SPOCK2: variants seen among roughly 807,000 people sequenced by gnomAD.
The protein encoded by SPOCK2 is SPARC (osteonectin), cwcv and kazal like domains proteoglycan 2.
SPOCK2 carries 39 observed loss-of-function variants against 60.1 expected under a neutral mutation model. That is an observed-to-expected ratio of 0.65 (90% confidence interval 0.50 to 0.85). The LOEUF (loss-of-function observed/expected upper bound fraction) is 0.85. Among genes scored for constraint, SPOCK2 ranks in the 40% least tolerant of loss-of-function variants. The pLI is 0.00. For missense variants in SPOCK2, 523 were observed against 567.4 expected, an observed-to-expected ratio of 0.92 and a Z score of 0.80; for synonymous variants, 217 against 231.5, an observed-to-expected ratio of 0.94 and a Z score of 0.57.
rs778789599 is a variant in SPOCK2 at position 72,070,441 on chromosome 10, G to A, written c.360-15C>T. ...GCTGCTTGATCCTACAGGAGAGGGTGGGGGGCACACCAGGGTGGAAGTGAC... is the reference window on the plus strand; with the variant it reads ...GCTGCTTGATCCTACAGGAGAGGGTAGGGGGCACACCAGGGTGGAAGTGAC... On this transcript the variant is annotated splice_polypyrimidine_tract_variant and intron_variant, in intron 4 of 10. Coordinates refer to ENST00000373109, the MANE Select transcript of SPOCK2 (RefSeq NM_001244950.2). 1.9e-6 allele frequency: 3 copies of A among 1,612,262 alleles called. No individual in the cohort carries two copies. In the African/African-American group the frequency reaches 4.0e-5, roughly 22 times the overall value.
At chr10:72,073,101 C>T (rs896074) in intron 1 of SPOCK2, among the ~76,000 whole-genome samples, 191 bp from the exon 2 acceptor site, 98,065 of 152,110 alleles carry the variant, frequency 0.64, 33,479 homozygotes, top group African/African-American at 0.89. Flanking sequence ...AGTATTCTTA[C>T]GTCTTCATCA....
At chr10:72,072,071 A>G in intron 4 of SPOCK2, 73 bp downstream of exon 4, 1 of 1,236,982 alleles carries the variant, frequency 8.1e-7, no homozygotes, top group Non-Finnish European at 1.1e-6. Flanking sequence ...CTAATTCATA[A>G]GGAGAGGGTC....
In SPOCK2 at chr10:72,067,013, T is replaced by C; in HGVS notation, c.817A>G (p.Ile273Val). The change falls in exon 8 of 11, where the codon ATC (isoleucine) becomes GTC (valine). Residue 273 changes from isoleucine to valine, a missense_variant. By Grantham distance (29) the Ile-to-Val change is conservative. Transcript: ENST00000373109. ...CAGACCTCGTACTTGTCCAGGTTGA[T>C]GGCGGCCAGCTCCGTCTGGTCCAGG... ...LFLDQTELAA[I>V]NLDKYEVCIR... is the part of the protein sequence containing the mutation. 1.2e-6 allele frequency: 2 copies of C among 1,614,222 alleles called. No individual in the cohort carries two copies. Among genetic ancestry groups the C allele is most frequent in the Non-Finnish European group, 1.7e-6 (2 of 1,180,052 alleles).
intron 5 of SPOCK2, chr10:72,069,004 G>C (rs1400150241): frequency 6.5e-6 from 1 of 152,746 alleles, no homozygotes; most frequent in Non-Finnish European, 1.5e-5. Flanking sequence ...CAGAGGCCCA[G>C]TGACTTGCCC....
chr10:72,080,637 G>A (rs1840771452), intron 1 of SPOCK2, among the ~76,000 whole-genome samples: 1 of 152,024 alleles, frequency 6.6e-6, no homozygotes, highest in Non-Finnish European at 1.5e-5. Flanking sequence ...GGGGCAGAGG[G>A]GCCAGTCATT....
intron 1 of SPOCK2, among the ~76,000 whole-genome samples, chr10:72,084,226 T>C (rs1175773422): frequency 6.6e-6 from 1 of 152,180 alleles, no homozygotes; most frequent in Non-Finnish European, 1.5e-5. Context: ...GGTTTTTCCG[T>C]GGGGGAGGAG....
intron 1 of SPOCK2, among the ~76,000 whole-genome samples, chr10:72,083,331 C>T (rs148028505): frequency 7.7e-4 from 118 of 152,350 alleles, no homozygotes; most frequent in African/African-American, 2.7e-3. Context: ...GGAGTGACAG[C>T]ATGCTAAAGC....
intron 9 of SPOCK2, 112 bp from the exon 10 acceptor site, chr10:72,063,274 C>G (rs1840522167): frequency 1.4e-6 from 2 of 1,445,216 alleles, no homozygotes. Context: ...CCCCCAGAGC[C>G]CAGCCAGACC....
chr10:72,070,527 G>A, intron 4 of SPOCK2, 101 bp from the exon 5 acceptor site: 1 of 1,080,398 alleles, frequency 9.3e-7, no homozygotes, highest in Non-Finnish European at 1.4e-6. Context: ...GAAGGCAGCA[G>A]CAATCTTCAG....
intron 8 of SPOCK2, among the ~76,000 whole-genome samples, chr10:72,065,357 G>A (rs1840554966): frequency 6.6e-6 from 1 of 152,194 alleles, no homozygotes; most frequent in South Asian, 2.1e-4. Flanking sequence ...ATGTTTAGAT[G>A]CACAAATGCT....
At chr10:72,086,915 G>GATGC (rs1172880321) in intron 1 of SPOCK2, 39 of 1,551,600 alleles carry the variant, frequency 2.5e-5, no homozygotes, top group Non-Finnish European at 2.5e-5. Flanking sequence ...GGAACTTGTG[G>GATGC]ATGCACGCAG....
In SPOCK2 at chr10:72,088,390, C is replaced by T; in HGVS notation, c.-62G>A. 5 of 1,439,104 alleles carry T rather than the reference C, an allele frequency of 3.5e-6. No homozygotes were observed. In the South Asian group the frequency reaches 7.3e-5, roughly 21 times the overall value. 89.1% of individuals were successfully genotyped at this position (1,439,104 alleles called of 1,614,324 possible). A position where few individuals can be genotyped will look rare whatever the true frequency, so the allele number is the denominator to read the frequency against. On this transcript the variant is annotated 5_prime_UTR_variant, in exon 1 of 11. Transcript: ENST00000373109. ...TGCAGTATTTTAATGTCCTTCCTCC[C>T]ACCCCGCTGCTGGCGAAGCGCACGC...
At chr10:72,079,340 G>A (rs867543739) in intron 1 of SPOCK2, among the ~76,000 whole-genome samples, 3 of 152,236 alleles carry the variant, frequency 2.0e-5, no homozygotes, top group Non-Finnish European at 4.4e-5. Flanking sequence ...CAAGTCCTAG[G>A]CAGGGAGTTT....
At chr10:72,086,568 G>C in intron 1 of SPOCK2, 3 of 1,143,780 alleles carry the variant, frequency 2.6e-6, no homozygotes, top group Non-Finnish European at 2.2e-6. Context: ...GCTGTGGCCG[G>C]GCTGCTGCCC....
chr10:72,083,262 G>C (rs1218437964), intron 1 of SPOCK2, among the ~76,000 whole-genome samples: 1 of 152,228 alleles, frequency 6.6e-6, no homozygotes, highest in Non-Finnish European at 1.5e-5. Context: ...TGTGGCGGTG[G>C]TGTGGTAGGA....
At chr10:72,074,606 C>A (rs1840690827) in intron 1 of SPOCK2, among the ~76,000 whole-genome samples, 1 of 152,242 alleles carries the variant, frequency 6.6e-6, no homozygotes, top group Admixed American at 6.5e-5. Context: ...AACGAGGTAA[C>A]AAAACCCACT....
chr10:72,084,362 G>A (rs1260853260), intron 1 of SPOCK2, among the ~76,000 whole-genome samples: 2 of 152,166 alleles, frequency 1.3e-5, no homozygotes, highest in Non-Finnish European at 2.9e-5. Context: ...GGCATCCTGG[G>A]GCCAGTCAGC....
At chr10:72,080,433 C>T (rs1840767648) in intron 1 of SPOCK2, among the ~76,000 whole-genome samples, 4 of 152,180 alleles carry the variant, frequency 2.6e-5, no homozygotes, top group Admixed American at 2.6e-4. Context: ...AAGCTTGCCT[C>T]TGTGGCCTCC....
intron 5 of SPOCK2, 148 bp downstream of exon 5, chr10:72,070,164 G>C (rs954437164): frequency 4.4e-6 from 3 of 682,450 alleles, no homozygotes; most frequent in Non-Finnish European, 7.3e-6. Context: ...CCCCAGTATG[G>C]CTGGCTGCAT....
Sources: allele counts gnomAD v4.1 joint callset (sites outside exome capture counted in the v4.1 genomes callset), GRCh38; gene constraint gnomAD v4.1.1; transcripts MANE v1.5; gene names NCBI Gene and HGNC (gene_info 2026-07-23, HGNC 2026-07-21).